Variants in SCD5 observed in about 807,000 individuals in gnomAD.
SCD5 encodes stearoyl-CoA desaturase 5, also known as acyl-CoA-desaturase 4.
In SCD5, 20 loss-of-function variants were observed where a neutral mutation model predicts 30.4. The ratio of observed to expected loss-of-function variants is 0.66; its 90% CI spans 0.46 to 0.96. SCD5 has a LOEUF of 0.96. Among genes scored for constraint, SCD5 ranks in the 40% least tolerant of loss-of-function variants. The pLI is 0.00. For missense variants in SCD5, 381 were observed against 443.3 expected (o/e 0.86, Z 1.26); for synonymous variants, 173 against 176.4 (o/e 0.98, Z 0.16).
intron 2 of SCD5, among the ~76,000 whole-genome samples, chr4:82,695,431 A>C (rs772048578): frequency 6.6e-6 from 1 of 152,216 alleles, no homozygotes; most frequent in Non-Finnish European, 1.5e-5. Flanking sequence ...GTGCAGATTC[A>C]AGATGTAATT....
intron 1 of SCD5, among the ~76,000 whole-genome samples, chr4:82,745,487 G>A (rs1391270910): frequency 1.3e-5 from 2 of 152,222 alleles, no homozygotes; most frequent in Non-Finnish European, 2.9e-5. Flanking sequence ...AACAGAGAGG[G>A]TCTAACCCAA....
intron 1 of SCD5, among the ~76,000 whole-genome samples, chr4:82,780,991 C>CA (rs1721855799): frequency 6.6e-6 from 1 of 152,238 alleles, no homozygotes; most frequent in Non-Finnish European, 1.5e-5. Flanking sequence ...AGAAGGCCCC[C>CA]ACCAGCCTCC....
intron 1 of SCD5, among the ~76,000 whole-genome samples, chr4:82,750,732 G>C (rs368410782): frequency 4.6e-5 from 7 of 152,220 alleles, no homozygotes; most frequent in Admixed American, 2.6e-4. Context: ...CTGACGAAAC[G>C]GTCTGCTAGG....
At chr4:82,705,529 G>GC in intron 1 of SCD5, 116 bp from the exon 2 acceptor site, 9 of 1,342,004 alleles carry the variant, frequency 6.7e-6, no homozygotes, top group Non-Finnish European at 8.1e-6. Flanking sequence ...GGGGAAAGCT[G>GC]CAACATGAAG....
intron 1 of SCD5, among the ~76,000 whole-genome samples, chr4:82,763,059 G>A (rs1002860843): frequency 6.6e-6 from 1 of 152,164 alleles, no homozygotes; most frequent in East Asian, 1.9e-4. Context: ...AGCACACCAC[G>A]GGAGCCCCAA....
At chr4:82,760,389 CCTT>C (rs1721337802) in intron 1 of SCD5, among the ~76,000 whole-genome samples, 1 of 152,128 alleles carries the variant, frequency 6.6e-6, no homozygotes, top group Non-Finnish European at 1.5e-5. Context: ...CTGCCACTCT[CCTT>C]CTCACCCGTT....
intron 3 of SCD5, among the ~76,000 whole-genome samples, chr4:82,655,525 G>C (rs112894777): frequency 6.6e-6 from 1 of 152,166 alleles, no homozygotes; most frequent in Non-Finnish European, 1.5e-5. Context: ...CTGCTAAAAA[G>C]ATGCACATAA....
chr4:82,672,027 TATCAAAATTTGTGGGATG>T (rs1728337711), intron 3 of SCD5, among the ~76,000 whole-genome samples: 7 of 152,124 alleles, frequency 4.6e-5, no homozygotes, highest in African/African-American at 1.4e-4. Flanking sequence ...GAACAAAACT[TATCAAAATTTGTGGGATG>T]CCATAAAAGC....
At chr4:82,643,672 C>A (rs371570759) in intron 3 of SCD5, among the ~76,000 whole-genome samples, 2 of 152,128 alleles carry the variant, frequency 1.3e-5, no homozygotes, top group Non-Finnish European at 2.9e-5. Context: ...GTACTTAATG[C>A]CACAGAATTG....
chr4:82,789,272 A>C (rs1040619414), intron 1 of SCD5, among the ~76,000 whole-genome samples: 22 of 152,336 alleles, frequency 1.4e-4, no homozygotes, highest in African/African-American at 5.3e-4. Context: ...TGACAAGAGA[A>C]GCAGGATCCC....
At chr4:82,775,353 G>T (rs115590292) in intron 1 of SCD5, 1 of 152,286 alleles carries the variant, frequency 6.6e-6, no homozygotes, top group East Asian at 1.9e-4. Flanking sequence ...TCTTGGGTAT[G>T]GCCTAGGAAA....
chr4:82,635,816 C>T (rs553627809), intron 4 of SCD5, among the ~76,000 whole-genome samples: 21 of 152,202 alleles, frequency 1.4e-4, no homozygotes, highest in African/African-American at 5.1e-4. Flanking sequence ...GGAACCAGGA[C>T]TCAACCAAAG....
intron 1 of SCD5, among the ~76,000 whole-genome samples, chr4:82,768,308 C>T (rs1721536828): frequency 6.6e-6 from 1 of 152,116 alleles, no homozygotes; most frequent in Non-Finnish European, 1.5e-5. Flanking sequence ...CCATTATTTA[C>T]AGGAGTGATC....
chr4:82,764,645 T>C (rs996270690), intron 1 of SCD5, among the ~76,000 whole-genome samples: 1 of 152,186 alleles, frequency 6.6e-6, no homozygotes, highest in African/African-American at 2.4e-5. Context: ...TGAAATTATT[T>C]CAAATATTTT....
At chr4:82,788,864 A>G (rs1722041233) in intron 1 of SCD5, among the ~76,000 whole-genome samples, 1 of 152,250 alleles carries the variant, frequency 6.6e-6, no homozygotes, top group Non-Finnish European at 1.5e-5. Context: ...ACCATGAGGA[A>G]AACTGAATGC....
chr4:82,687,045 C>A (rs1314899358), intron 2 of SCD5, among the ~76,000 whole-genome samples: 1 of 151,834 alleles, frequency 6.6e-6, no homozygotes, highest in African/African-American at 2.4e-5. Context: ...GTGGTGGGCA[C>A]CTGTAATCCC....
chr4:82,745,146 T>C (rs1720953934), intron 1 of SCD5, among the ~76,000 whole-genome samples: 1 of 152,160 alleles, frequency 6.6e-6, no homozygotes, highest in Non-Finnish European at 1.5e-5. Flanking sequence ...TGTCACAGGG[T>C]GGACCTTGAC....
chr4:82,735,940 G>A (rs1720741179), intron 1 of SCD5, among the ~76,000 whole-genome samples: 1 of 152,142 alleles, frequency 6.6e-6, no homozygotes, highest in Admixed American at 6.5e-5. Context: ...TGTTAAGTGA[G>A]GACTTACTGT....
intron 3 of SCD5, among the ~76,000 whole-genome samples, chr4:82,653,047 G>C (rs767842742): frequency 1.5e-4 from 22 of 146,994 alleles, no homozygotes; most frequent in East Asian, 3.9e-4. Flanking sequence ...TGGCTACTTG[G>C]GGGGACTGAG....
Sources: gnomAD v4.1 joint callset for allele counts (sites outside exome capture counted in the v4.1 genomes callset) on GRCh38, gnomAD v4.1.1 for gene constraint, MANE v1.5 for transcripts, NCBI Gene and HGNC (gene_info 2026-07-23, HGNC 2026-07-21) for gene names.